FAM81A: variants seen among roughly 807,000 people sequenced by gnomAD.
FAM81A encodes family with sequence similarity 81 member A.
A neutral mutation model predicts 46.7 loss-of-function variants in FAM81A; 19 were observed. That is an observed-to-expected ratio of 0.41 (90% CI 0.28 to 0.60). FAM81A has a LOEUF of 0.60. FAM81A is among the 20% of genes least tolerant of loss of function. The pLI is 0.34. For missense variants in FAM81A, 377 were observed against 453.5 expected (o/e 0.83, Z 1.53); for synonymous variants, 183 against 152.9 (o/e 1.20, Z -1.45).
intron 2 of FAM81A, among the ~76,000 whole-genome samples, chr15:59,411,695 C>G (rs1473548268): frequency 6.6e-6 from 1 of 152,166 alleles, no homozygotes; most frequent in Non-Finnish European, 1.5e-5. Context: ...ATGAAAGGAT[C>G]GCTTGAGGCC....
intron 2 of FAM81A, among the ~76,000 whole-genome samples, chr15:59,426,877 G>C (rs377399952): frequency 6.6e-6 from 1 of 152,168 alleles, no homozygotes; most frequent in Admixed American, 6.5e-5. Flanking sequence ...ATTGTTCACA[G>C]CTGAGTCAAG....
chr15:59,499,716 C>T (rs1330300599), intron 4 of FAM81A, among the ~76,000 whole-genome samples: 3 of 152,026 alleles, frequency 2.0e-5, no homozygotes, highest in African/African-American at 4.8e-5. Flanking sequence ...TTTCTTTTAG[C>T]GCCATGAATA....
intron 3 of FAM81A, among the ~76,000 whole-genome samples, chr15:59,462,313 C>G (rs2081562522): frequency 6.6e-6 from 1 of 151,768 alleles, no homozygotes; most frequent in South Asian, 2.1e-4. Flanking sequence ...CTCAGCAATA[C>G]TTGGCATTAT....
intron 1 of FAM81A, among the ~76,000 whole-genome samples, chr15:59,400,878 A>T (rs1349423058): frequency 2.0e-5 from 3 of 152,130 alleles, no homozygotes; most frequent in Non-Finnish European, 4.4e-5. Flanking sequence ...TCACTGGTTG[A>T]TTAGTGTTTC....
chr15:59,427,643 T>C (rs924404295), intron 2 of FAM81A, among the ~76,000 whole-genome samples: 12 of 152,178 alleles, frequency 7.9e-5, no homozygotes, highest in Admixed American at 5.2e-4. Flanking sequence ...CACAAATGAG[T>C]GAGAACATGC....
intron 3 of FAM81A, among the ~76,000 whole-genome samples, chr15:59,482,653 C>T (rs543432305): frequency 2.0e-5 from 3 of 152,280 alleles, no homozygotes; most frequent in East Asian, 3.9e-4. Context: ...AATTTGCATG[C>T]GTAACAAGCC....
In FAM81A at chr15:59,514,413, A is replaced by C; in HGVS notation, c.775A>C (p.Lys259Gln). Residue 259 changes from lysine (K) to glutamine (Q), a missense_variant, in exon 7 of 9, where the codon AAG (lysine) becomes CAG (glutamine). Transcript: ENST00000288228. ...AATTGATCAGCTTTCCTTGATTGTT[A>C]AGGAAAACAGTGTAGGTATTGATGT... ...QKIDQLSLIV[K>Q]ENSGASERDM... The C allele has an allele frequency of 6.2e-7, 1 of 1,613,062 alleles. No homozygotes were observed. The highest frequency in any genetic ancestry group is 8.5e-7 in the Non-Finnish European group (1 of 1,179,612).
intron 2 of FAM81A, among the ~76,000 whole-genome samples, chr15:59,415,069 G>A (rs1325775203): frequency 6.6e-6 from 1 of 151,162 alleles, no homozygotes; most frequent in African/African-American, 2.4e-5. Flanking sequence ...GCCTGCCTCG[G>A]CCTCCCAAAG....
At chr15:59,425,590 AG>A (rs1239971631) in intron 2 of FAM81A, among the ~76,000 whole-genome samples, 1 of 152,172 alleles carries the variant, frequency 6.6e-6, no homozygotes, top group Non-Finnish European at 1.5e-5. Context: ...TTTTTGTTTT[AG>A]TAAAATAGGC....
intron 3 of FAM81A, among the ~76,000 whole-genome samples, chr15:59,466,550 G>A (rs2081615991): frequency 6.6e-6 from 1 of 151,242 alleles, no homozygotes; most frequent in Non-Finnish European, 1.5e-5. Flanking sequence ...TTTTGATGGG[G>A]TTGTTTGTTT....
chr15:59,490,665 C>G (rs1345872212), intron 3 of FAM81A, among the ~76,000 whole-genome samples: 3 of 152,118 alleles, frequency 2.0e-5, no homozygotes, highest in Non-Finnish European at 4.4e-5. Flanking sequence ...AACTCCATCT[C>G]TACTAAAAAT....
In FAM81A at chr15:59,489,318, C is replaced by T. The variant is rs377065246; in HGVS notation, c.295-2953C>T. On this transcript the variant is annotated intron_variant, in intron 3 of 8. Transcript: ENST00000288228. ...ACATACATACATACATACATATATA[C>T]ATACATACATACATACCTGTGAATT... Among the ~76,000 whole-genome samples the T allele has an allele frequency of 4.5e-3, 632 of 141,754 alleles. 17 individuals are homozygous for T. Among genetic ancestry groups the T allele is most frequent in the Non-Finnish European group, 7.5e-3 (467 of 62,018 alleles). The allele number at this position is 141,754 out of a possible 152,430, so 93.0% of individuals were successfully genotyped here.
chr15:59,479,230 G>A (rs1465043943), intron 3 of FAM81A, among the ~76,000 whole-genome samples: 2 of 152,180 alleles, frequency 1.3e-5, no homozygotes, highest in East Asian at 1.9e-4. Flanking sequence ...AAAGGATGGT[G>A]GCCGGGCGCG....
intron 2 of FAM81A, among the ~76,000 whole-genome samples, chr15:59,402,989 T>C (rs540363298): frequency 1.3e-5 from 2 of 152,348 alleles, no homozygotes; most frequent in East Asian, 3.9e-4. Context: ...CTACCTGTTA[T>C]TGCATTTTCT....
chr15:59,428,119 C>A (rs1206838192), intron 2 of FAM81A, among the ~76,000 whole-genome samples: 2 of 152,192 alleles, frequency 1.3e-5, no homozygotes, highest in Non-Finnish European at 2.9e-5. Context: ...GATGATGTCT[C>A]ACTGTAGTTT....
chr15:59,519,933 G>C (rs1179128696), intron 8 of FAM81A, among the ~76,000 whole-genome samples: 1 of 152,112 alleles, frequency 6.6e-6, no homozygotes, highest in Non-Finnish European at 1.5e-5. Flanking sequence ...ACCCAGTAGT[G>C]AGATTGCTGG....
intron 3 of FAM81A, among the ~76,000 whole-genome samples, chr15:59,463,097 C>G (rs2081572131): frequency 6.6e-6 from 1 of 152,076 alleles, no homozygotes; most frequent in South Asian, 2.1e-4. Context: ...CTTATTAATT[C>G]AAGGTCACAA....
At chr15:59,424,767 G>A (rs528482278) in intron 2 of FAM81A, among the ~76,000 whole-genome samples, 21 of 152,242 alleles carry the variant, frequency 1.4e-4, no homozygotes, top group East Asian at 3.9e-4. Context: ...TCAGTCCACC[G>A]TGTCTATATC....
intron 2 of FAM81A, among the ~76,000 whole-genome samples, chr15:59,430,577 T>C (rs937793825): frequency 6.6e-6 from 1 of 152,092 alleles, no homozygotes; most frequent in South Asian, 2.1e-4. Context: ...AAGGGCTTCA[T>C]TTGGTACCTA....
Sources: gnomAD v4.1 joint callset for allele counts (sites outside exome capture counted in the v4.1 genomes callset) on GRCh38, gnomAD v4.1.1 for gene constraint, MANE v1.5 for transcripts, NCBI Gene and HGNC (gene_info 2026-07-23, HGNC 2026-07-21) for gene names.